Variants in MIOS observed in about 807,000 individuals in gnomAD.
MIOS encodes meiosis regulator for oocyte development.
MIOS carries 52 observed loss-of-function variants against 96.9 expected under a neutral mutation model. That is an observed-to-expected ratio of 0.54 (90% CI 0.43 to 0.68). The LOEUF (loss-of-function observed/expected upper bound fraction) is 0.68. MIOS is among the 30% of genes least tolerant of loss of function. The pLI, the probability that MIOS is intolerant of heterozygous loss-of-function variation, is 0.00. For synonymous variants in MIOS, 397 were observed against 359.5 expected (o/e 1.10, Z -1.18); for missense variants, 1,005 against 1,052.8 (o/e 0.95, Z 0.63).
intron 11 of MIOS, among the ~76,000 whole-genome samples, chr7:7,597,031 T>C (rs1784222240): frequency 6.6e-6 from 1 of 151,994 alleles, no homozygotes; most frequent in Non-Finnish European, 1.5e-5. Flanking sequence ...CCCATCTCTA[T>C]AAAAAATTTT....
At chr7:7,593,160 G>C (rs1318850015) in intron 9 of MIOS, among the ~76,000 whole-genome samples, 1 of 152,178 alleles carries the variant, frequency 6.6e-6, no homozygotes, top group Non-Finnish European at 1.5e-5. Context: ...TTATTTTTCT[G>C]TGAATTTTCT....
intron 5 of MIOS, among the ~76,000 whole-genome samples, chr7:7,575,227 C>T (rs559132171): frequency 6.6e-6 from 1 of 152,040 alleles, no homozygotes; most frequent in South Asian, 2.1e-4. Context: ...TTTTACGGAG[C>T]TTGTATCAGT....
Position 7,607,095 on chromosome 7 carries a change from T to A in MIOS, c.*3T>A. The A allele has an allele frequency of 6.2e-7, 1 of 1,605,798 alleles. No individual in the cohort carries two copies. The highest frequency in any genetic ancestry group is 8.5e-7 in the Non-Finnish European group (1 of 1,176,014). ...CTGCAGAGACTGTCCAGCCATAAAA[T>A]GTTACCACCTTAAGAGAACCCTTCA... is the stretch of plus-strand genomic sequence containing the variant. On this transcript the variant is annotated 3_prime_UTR_variant, in exon 13 of 13. Transcript: ENST00000340080.
intron 11 of MIOS, among the ~76,000 whole-genome samples, chr7:7,603,100 C>G (rs1002331457): frequency 6.6e-6 from 1 of 152,144 alleles, no homozygotes; most frequent in African/African-American, 2.4e-5. Flanking sequence ...AACGTTAGAC[C>G]TAAAACCGTA....
Position 7,573,024 on chromosome 7 carries a change from G to T in MIOS, c.549G>T (p.Gln183His). The change falls in exon 4 of 13, where the codon CAG (glutamine) becomes CAT (histidine). Residue 183 changes from glutamine (Q) to histidine (H), a missense_variant. By Grantham distance (24) the Gln-to-His change is conservative. Around this residue, in one of 3 missense-constraint regions of MIOS, gnomAD observed 865 missense variants for 887.9 expected, o/e 0.97. Transcript: ENST00000340080. This position sits in a 1 kb window ranked among gnomAD's most constrained non-coding sequence, Gnocchi z 5.0. ...CAAAACCACTTTATGAGTTAGGACA[G>T]AATGATGCTTGTCTGTCTCTTTGTT... The part of the protein sequence containing the change: ...LVTKPLYELG[Q>H]NDACLSLCWL... 6.2e-7 allele frequency: 1 copy of T among 1,614,040 alleles called. No homozygotes were observed. The highest frequency in any genetic ancestry group is 8.5e-7 in the Non-Finnish European group (1 of 1,179,952).
intron 9 of MIOS, among the ~76,000 whole-genome samples, chr7:7,592,189 A>C (rs574433501): frequency 6.6e-6 from 1 of 152,100 alleles, no homozygotes; most frequent in Non-Finnish European, 1.5e-5. Context: ...TGGTTTCACT[A>C]TGTTGGCCAT....
chr7:7,583,187 AAG>A lies in MIOS; in HGVS notation c.1469_1470del (p.Arg490AsnfsTer53). 1 of 1,614,170 alleles carries A rather than the reference AAG, an allele frequency of 6.2e-7. No homozygotes were observed. Among genetic ancestry groups the A allele is most frequent in the Non-Finnish European group, 8.5e-7 (1 of 1,179,994 alleles). ...CAAAGTGATATTCAAAATTTAAATG[AAG>A]AGAGAATCTTAGCTTTACAGCTTTG... is the stretch of plus-strand genomic sequence containing the variant. On this transcript the variant is annotated frameshift_variant, in exon 6 of 13. Transcript: ENST00000340080.
chr7:7,572,579 A>AT lies in MIOS; in HGVS notation c.106dup (p.Ser36PhefsTer12). The AT allele has an allele frequency of 6.2e-7, 1 of 1,614,086 alleles. No individual in the cohort carries two copies. The highest frequency in any genetic ancestry group is 8.5e-7 in the Non-Finnish European group (1 of 1,179,964). ...CTTTATCATGTGGAATCTACTGTGA[A>AT]TTCAGAACTCAAAGCTGGATCTTTA... On this transcript the variant is annotated frameshift_variant, in exon 4 of 13. Coordinates refer to ENST00000340080, the MANE Select transcript of MIOS (RefSeq NM_019005.4). LOFTEE classifies it high-confidence loss of function. This position sits in a 1 kb window ranked among gnomAD's most constrained non-coding sequence, Gnocchi z 4.8.
At chr7:7,583,061 C>T (rs1201478058) in intron 5 of MIOS, 57 bp from the exon 6 acceptor site, 3 of 1,512,364 alleles carry the variant, frequency 2.0e-6, no homozygotes, top group Admixed American at 2.0e-5. Flanking sequence ...GTAAAACTGA[C>T]TTACTTTCCA....
intron 11 of MIOS, among the ~76,000 whole-genome samples, chr7:7,604,251 C>G (rs1055816533): frequency 1.3e-5 from 2 of 151,858 alleles, no homozygotes; most frequent in African/African-American, 4.8e-5. Context: ...GCTAGTGGCT[C>G]GAGTATCTAA....
intron 11 of MIOS, among the ~76,000 whole-genome samples, chr7:7,604,759 C>T (rs1378618514): frequency 2.0e-5 from 3 of 152,054 alleles, no homozygotes; most frequent in Non-Finnish European, 2.9e-5. Flanking sequence ...CTTCCAGTTT[C>T]GTCAGAAAAA....
Position 7,596,297 on chromosome 7 carries a change from A to G in MIOS, c.2237A>G (p.Tyr746Cys), listed in dbSNP as rs1452998490. 6.8e-6 allele frequency: 11 copies of G among 1,613,992 alleles called. No homozygotes were observed. Among genetic ancestry groups the G allele is most frequent in the Non-Finnish European group, 8.5e-7 (1 of 1,180,016 alleles). ...AATTTCTGTGGCAAGTCAATCTCCT[A>G]CAGCTGTTCAGCTGTGCCTCATCAG... The part of the protein sequence containing the change: ...SCNFCGKSIS[Y>C]SCSAVPHQGR... Residue 746 changes from tyrosine (Y) to cysteine (C), a missense_variant, in exon 11 of 13, where the codon TAC becomes TGC. Transcript: ENST00000340080.
chr7:7,596,916 C>T (rs929098069), intron 11 of MIOS, among the ~76,000 whole-genome samples: 1 of 152,168 alleles, frequency 6.6e-6, no homozygotes, highest in African/African-American at 2.4e-5. Context: ...AGAGAAGGGT[C>T]AGTTGCAGTG....
rs1311675154 is a variant in MIOS at position 7,573,561 on chromosome 7, A to G, written c.1086A>G (p.Pro362=). The change falls in exon 4 of 13, where the codon CCA becomes CCG. Residue 362 remains proline (P), a synonymous_variant. Coordinates refer to ENST00000340080, the MANE Select transcript of MIOS (RefSeq NM_019005.4). This position sits in a 1 kb window ranked among gnomAD's most constrained non-coding sequence, Gnocchi z 5.0. The stretch of plus-strand genomic sequence containing the variant: ...AAAGGATATCTCTTGCCTGGAGCCC[A>G]ATTACATCTTTAATGTGGGCTTGTG... ...VFERISLAWS[P]ITSLMWACGR... The G allele has an allele frequency of 1.1e-5, 17 of 1,613,986 alleles. No homozygotes were observed. Among genetic ancestry groups the G allele is most frequent in the Non-Finnish European group, 1.4e-5 (17 of 1,179,956 alleles).
chr7:7,577,270 G>C (rs982351995), intron 5 of MIOS, among the ~76,000 whole-genome samples: 1 of 152,184 alleles, frequency 6.6e-6, no homozygotes, highest in African/African-American at 2.4e-5. Context: ...CCATGCTTCA[G>C]ATCCAGCCAA....
chr7:7,586,150 A>G (rs1563028682), intron 7 of MIOS, among the ~76,000 whole-genome samples: 1 of 126,768 alleles, frequency 7.9e-6, no homozygotes, highest in African/African-American at 3.1e-5. Context: ...CTGTGCACAC[A>G]TGCACGTGTG....
At chr7:7,598,830 CTT>C (rs1290304083) in intron 11 of MIOS, among the ~76,000 whole-genome samples, 20 of 152,186 alleles carry the variant, frequency 1.3e-4, no homozygotes, top group Non-Finnish European at 1.3e-4. Context: ...ATTTGAAATT[CTT>C]TGTTATGATG....
chr7:7,592,606 A>G (rs968625031), intron 9 of MIOS, among the ~76,000 whole-genome samples: 1 of 151,970 alleles, frequency 6.6e-6, no homozygotes. Flanking sequence ...CTGCAACTAG[A>G]TGGTCCCATC....
intron 11 of MIOS, 130 bp downstream of exon 11, chr7:7,596,591 G>A (rs1050445259): frequency 4.8e-6 from 4 of 825,286 alleles, no homozygotes; most frequent in Non-Finnish European, 7.5e-6. Flanking sequence ...CTAGCTTGAA[G>A]GCTTTTATGT....
Sources: gnomAD v4.1 joint callset for allele counts (sites outside exome capture counted in the v4.1 genomes callset) on GRCh38, gnomAD v4.1.1 for gene constraint, gnomAD v4.1.1 regional missense constraint, Gnocchi (gnomAD v3.1) non-coding constraint, MANE v1.5 for transcripts, NCBI Gene and HGNC (gene_info 2026-07-23, HGNC 2026-07-21) for gene names.